ASPH: variants seen among roughly 807,000 people sequenced by gnomAD.
ASPH encodes aspartate beta-hydroxylase.
ASPH carries 100 observed loss-of-function variants against 118.4 expected under a neutral mutation model. That is an observed-to-expected ratio of 0.84 (90% confidence interval 0.72 to 1.00). The LOEUF is 1.00. ASPH is among the 50% of genes least tolerant of loss of function. ASPH has a pLI of 0.00. For synonymous variants in ASPH, 315 were observed against 325.6 expected (o/e 0.97, Z 0.35); for missense variants, 920 against 919.5 (o/e 1.00, Z -0.01).
chr8:61,630,028 C>A (rs902834160), intron 13 of ASPH, among the ~76,000 whole-genome samples: 1 of 152,144 alleles, frequency 6.6e-6, no homozygotes, highest in African/African-American at 2.4e-5. Context: ...ACAGAACGTG[C>A]TTAGCAGAGC....
intron 21 of ASPH, among the ~76,000 whole-genome samples, chr8:61,544,255 C>T (rs10109999): frequency 0.65 from 98,249 of 152,076 alleles, 35,851 homozygotes; most frequent in Non-Finnish European, 0.82. Flanking sequence ...AAATATTCCT[C>T]TAATTGTTGT....
chr8:61,567,916 G>T (rs1005705517), intron 16 of ASPH, among the ~76,000 whole-genome samples: 1 of 152,196 alleles, frequency 6.6e-6, no homozygotes, highest in African/African-American at 2.4e-5. Flanking sequence ...GGATAATTGG[G>T]GAGGGCCTGA....
chr8:61,557,254 A>C (rs1418751673), intron 18 of ASPH, among the ~76,000 whole-genome samples: 1 of 152,068 alleles, frequency 6.6e-6, no homozygotes, highest in Non-Finnish European at 1.5e-5. Context: ...GAGTGAGTGC[A>C]AGATAGGGTT....
intron 24 of ASPH, among the ~76,000 whole-genome samples, chr8:61,516,637 T>C (rs975287116): frequency 4.6e-5 from 7 of 152,126 alleles, no homozygotes; most frequent in African/African-American, 1.4e-4. Flanking sequence ...TAAAGAGTAA[T>C]AGAAGATAGG....
rs879648785 is a variant in ASPH, at chr8:61,500,629, T to TCAGA, written c.*2726_*2729dup. Reference sequence around the variant, plus strand: ...TCCCCAACTACTCATTCAAAAGAAATCAGACATAAAATAAACAGACATCAT... The same window carrying TCAGA: ...TCCCCAACTACTCATTCAAAAGAAATCAGACAGACATAAAATAAACAGACATCAT... On this transcript the variant is annotated 3_prime_UTR_variant, in exon 25 of 25. Transcript: ENST00000379454. 1 of 138,484 alleles carries TCAGA rather than the reference T, an allele frequency of 7.2e-6. No homozygotes were observed. The highest frequency in any genetic ancestry group is 1.5e-5 in the Non-Finnish European group (1 of 66,572). 8.6% of individuals were successfully genotyped at this position (138,484 alleles called of 1,614,324 possible).
At chr8:61,693,719 C>G (rs1833244289) in intron 1 of ASPH, among the ~76,000 whole-genome samples, 1 of 152,318 alleles carries the variant, frequency 6.6e-6, no homozygotes, top group Middle Eastern at 3.4e-3. Context: ...GTTTCCTCAA[C>G]ATTTTCTTCT....
intron 13 of ASPH, among the ~76,000 whole-genome samples, chr8:61,621,256 C>T (rs1850797182): frequency 6.7e-6 from 1 of 149,294 alleles, no homozygotes; most frequent in Admixed American, 6.7e-5. Flanking sequence ...GGAGAAAATA[C>T]ACAGAGATAA....
chr8:61,569,999 A>T (rs1226124154), intron 16 of ASPH, among the ~76,000 whole-genome samples: 1 of 152,188 alleles, frequency 6.6e-6, no homozygotes, highest in African/African-American at 2.4e-5. Context: ...CAAAACACAG[A>T]GTTCTAGACC....
At chr8:61,524,909 T>C (rs1814677882) in intron 22 of ASPH, among the ~76,000 whole-genome samples, 2 of 152,192 alleles carry the variant, frequency 1.3e-5, no homozygotes. Context: ...GCCAATAGAA[T>C]GGACTCATCT....
chr8:61,573,448 A>T (rs1834074454), intron 16 of ASPH, among the ~76,000 whole-genome samples: 1 of 152,204 alleles, frequency 6.6e-6, no homozygotes, highest in South Asian at 2.1e-4. Context: ...GCATCACACT[A>T]CCTGACTTCA....
In ASPH at chr8:61,501,232, A is replaced by G. The variant is rs994892963; in HGVS notation, c.*2127T>C. On this transcript the variant is annotated 3_prime_UTR_variant, in exon 25 of 25. Transcript: ENST00000379454. ...TAAGAGAAATAAAGAATTGAAGTGA[A>G]TTAGAAAATCCATTTTATTGCTTGG... is the stretch of plus-strand genomic sequence containing the variant. 1.3e-5 allele frequency: 2 copies of G among 152,206 alleles called. No individual in the cohort carries two copies. Among genetic ancestry groups the G allele is most frequent in the Non-Finnish European group, 2.9e-5 (2 of 68,012 alleles). 9.4% of individuals were successfully genotyped at this position (152,206 alleles called of 1,614,324 possible). A position where few individuals can be genotyped will look rare whatever the true frequency, so the allele number is the denominator to read the frequency against.
chr8:61,528,091 C>T (rs918315566), intron 21 of ASPH, among the ~76,000 whole-genome samples: 5 of 152,134 alleles, frequency 3.3e-5, no homozygotes, highest in South Asian at 2.1e-4. Flanking sequence ...CTACCATTGC[C>T]CAGCTTGGCG....
At position 61,502,187 on chromosome 8, in the gene ASPH, A is replaced by ATGTTTAAC. The variant is rs1805055517; in HGVS notation, c.*1171_*1172insGTTAAACA. 6.6e-6 allele frequency: 1 copy of ATGTTTAAC among 152,236 alleles called. No homozygotes were observed. The highest frequency in any genetic ancestry group is 6.5e-5 in the Admixed American group (1 of 15,280). 9.4% of individuals were successfully genotyped at this position (152,236 alleles called of 1,614,324 possible). ...TGATAATAATTGCTATTTCACAGTG[A>ATGTTTAAC]TGTTTAAAATGGCAGAGATTTCTCA... is the stretch of plus-strand genomic sequence containing the variant. On this transcript the variant is annotated 3_prime_UTR_variant, in exon 25 of 25. Transcript: ENST00000379454.
intron 14 of ASPH, among the ~76,000 whole-genome samples, chr8:61,617,673 G>A (rs1849490656): frequency 6.6e-6 from 1 of 152,192 alleles, no homozygotes; most frequent in East Asian, 1.9e-4. Flanking sequence ...GTTCATGCCT[G>A]TAACCTCAGC....
chr8:61,668,107 A>C lies in ASPH; in HGVS notation c.322+12861T>G, dbSNP rs1820608304. On this transcript the variant is annotated intron_variant, in intron 3 of 24. Transcript: ENST00000379454. Reference sequence around the variant, plus strand: ...TAAAACTACTTATAACCTAAGTTGCACCCAAGCAAGACCCAAAAGCAATAG... The same window carrying C: ...TAAAACTACTTATAACCTAAGTTGCCCCCAAGCAAGACCCAAAAGCAATAG... The C allele has an allele frequency of 1.6e-5, 14 of 858,902 alleles. No individual in the cohort carries two copies. The South Asian group carries it at 2.3e-4, about 14-fold the overall frequency. The allele number at this position is 858,902 out of a possible 1,614,324, so 53.2% of individuals were successfully genotyped here. A position where few individuals can be genotyped will look rare whatever the true frequency, so the allele number is the denominator to read the frequency against.
intron 1 of ASPH, among the ~76,000 whole-genome samples, chr8:61,690,369 G>A (rs1832268015): frequency 2.0e-5 from 3 of 152,196 alleles, no homozygotes; most frequent in Admixed American, 2.0e-4. Flanking sequence ...CAGAGGACTG[G>A]TGGGAAGGAA....
intron 1 of ASPH, among the ~76,000 whole-genome samples, chr8:61,688,850 T>C (rs1016094812): frequency 3.3e-5 from 5 of 152,238 alleles, no homozygotes; most frequent in African/African-American, 9.6e-5. Context: ...TTCTTCTTCA[T>C]GGCTACATGA....
intron 22 of ASPH, among the ~76,000 whole-genome samples, chr8:61,523,246 C>A (rs560532155): frequency 6.6e-6 from 1 of 152,120 alleles, no homozygotes; most frequent in African/African-American, 2.4e-5. Context: ...CAGCACCTGA[C>A]ATGGATGCCA....
intron 16 of ASPH, among the ~76,000 whole-genome samples, chr8:61,574,469 C>T (rs527980868): frequency 1.3e-5 from 2 of 152,246 alleles, no homozygotes; most frequent in Non-Finnish European, 2.9e-5. Flanking sequence ...CAATGATAGA[C>T]TGGATAAAGA....
Sources: allele counts gnomAD v4.1 joint callset (sites outside exome capture counted in the v4.1 genomes callset), GRCh38; gene constraint gnomAD v4.1.1; transcripts MANE v1.5; gene names NCBI Gene and HGNC (gene_info 2026-07-23, HGNC 2026-07-21).